Variants in ABLIM3 observed in about 807,000 individuals in gnomAD.
ABLIM3 encodes the protein actin-binding LIM protein 3.
In ABLIM3, 61 loss-of-function variants were observed where a neutral mutation model predicts 109.5. The ratio of observed to expected loss-of-function variants is 0.56; its 90% confidence interval spans 0.45 to 0.69. The LOEUF (loss-of-function observed/expected upper bound fraction) is 0.69, where lower values mean the gene tolerates loss of function less well. Ranked by LOEUF, ABLIM3 falls within the 30% of genes least tolerant of loss-of-function variation. The probability of loss-of-function intolerance (pLI) is 0.00; values close to 1 mark genes in which losing one functional copy is unlikely to be tolerated. For missense variants in ABLIM3, 796 were observed against 889.5 expected (o/e 0.89, Z 1.34); for synonymous variants, 300 against 324.8 (o/e 0.92, Z 0.82).
Position 149,239,867 on chromosome 5 carries a change from C to T in ABLIM3, c.1183C>T (p.Pro395Ser). The T allele has an allele frequency of 6.2e-7, 1 of 1,609,820 alleles. No homozygotes were observed. ...QGMSPTFSRS[P>S]HHYYRSGPES... ...CATGTCCCCCACCTTCTCCCGCTCA[C>T]CTCACCACTACTACCGCTCTGGTAA... The change falls in exon 13 of 24, where the codon CCT becomes TCT. Residue 395 changes from proline (P) to serine (S), a missense_variant. Coordinates refer to ENST00000309868, the MANE Select transcript of ABLIM3 (RefSeq NM_014945.5).
intron 2 of ABLIM3, among the ~76,000 whole-genome samples, chr5:149,173,520 G>T (rs568680774): frequency 6.6e-6 from 1 of 152,292 alleles, no homozygotes; most frequent in South Asian, 2.1e-4. Flanking sequence ...GTCAAGATGG[G>T]AAAGTGGATG....
At position 149,252,226 on chromosome 5, in the gene ABLIM3, A is replaced by G; in HGVS notation, c.1857+18A>G. 1 of 1,612,246 alleles carries G rather than the reference A, an allele frequency of 6.2e-7. No individual in the cohort carries two copies. The highest frequency in any genetic ancestry group is 8.5e-7 in the Non-Finnish European group (1 of 1,179,234). On this transcript the variant is annotated intron_variant, in intron 22 of 23. Coordinates refer to ENST00000309868, the MANE Select transcript of ABLIM3 (RefSeq NM_014945.5). ...AGTACAAGGTAAAGGATGTGCATAG[A>G]CCCTGGGGGTCTCCAGGATTCTTGG...
chr5:149,237,420 C>G (rs771005337), intron 10 of ABLIM3, 28 bp from the exon 11 acceptor site: 1 of 1,608,180 alleles, frequency 6.2e-7, no homozygotes, highest in East Asian at 2.2e-5. Context: ...CTTTCTATTC[C>G]TTTCCTGTCC....
At chr5:149,251,087 G>A (rs1346228803) in intron 20 of ABLIM3, among the ~76,000 whole-genome samples, 1 of 152,196 alleles carries the variant, frequency 6.6e-6, no homozygotes, top group Non-Finnish European at 1.5e-5. Flanking sequence ...GGTTGTCAGG[G>A]CAAATCTCCT....
At chr5:149,213,921 G>T (rs1361993983) in intron 7 of ABLIM3, among the ~76,000 whole-genome samples, 1 of 151,972 alleles carries the variant, frequency 6.6e-6, no homozygotes, top group African/African-American at 2.4e-5. Context: ...GTTTTTCCAA[G>T]GTCACAAGCA....
intron 2 of ABLIM3, among the ~76,000 whole-genome samples, chr5:149,148,766 G>A (rs1036651032): frequency 6.6e-6 from 1 of 152,132 alleles, no homozygotes; most frequent in East Asian, 1.9e-4. Context: ...CAGTGTCCTT[G>A]TCACATGTGC....
Position 149,217,116 on chromosome 5 carries a change from G to T in ABLIM3, c.757+70G>T, listed in dbSNP as rs1005417889. The T allele has an allele frequency of 8.1e-5, 115 of 1,417,426 alleles. 1 individual carries two copies. Among genetic ancestry groups the T allele is most frequent in the Non-Finnish European group, 1.1e-4 (110 of 1,016,566 alleles). The allele number at this position is 1,417,426 out of a possible 1,614,324, so 87.8% of individuals were successfully genotyped here. A position where few individuals can be genotyped will look rare whatever the true frequency, so the allele number is the denominator to read the frequency against. ...ACTGGAAAGGAGATGCGATCTTCAGGTTCAGTGTTATCTTGGCTTCAGGTT... is the reference window on the plus strand; with the variant it reads ...ACTGGAAAGGAGATGCGATCTTCAGTTTCAGTGTTATCTTGGCTTCAGGTT... On this transcript the variant is annotated intron_variant, in intron 8 of 23. Coordinates refer to ENST00000309868, the MANE Select transcript of ABLIM3 (RefSeq NM_014945.5).
At chr5:149,239,156 C>T (rs565144568) in intron 11 of ABLIM3, 92 bp from the exon 12 acceptor site, 721 of 1,291,316 alleles carry the variant, frequency 5.6e-4, no homozygotes, top group Non-Finnish European at 7.2e-4. Context: ...CCCTCTCTGC[C>T]GAGCCATCTA....
chr5:149,222,908 A>G (rs1397396819), intron 8 of ABLIM3, among the ~76,000 whole-genome samples: 1 of 152,098 alleles, frequency 6.6e-6, no homozygotes, highest in African/African-American at 2.4e-5. Context: ...GTAGTTTAGC[A>G]TTATTACTTT....
At position 149,198,854 on chromosome 5, in the gene ABLIM3, C is replaced by T. The variant is rs1391776330; in HGVS notation, c.335+452C>T. 6.6e-6 allele frequency among the ~76,000 whole-genome samples: 1 copy of T among 152,176 alleles called. No individual in the cohort carries two copies. On this transcript the variant is annotated intron_variant, in intron 4 of 23. Coordinates refer to ENST00000309868, the MANE Select transcript of ABLIM3 (RefSeq NM_014945.5). This position sits in a 1 kb window ranked among gnomAD's most constrained non-coding sequence, Gnocchi z 4.2. ...CTGTTGGAGTGACCCTGGCAAGTGA[C>T]CCCCACCTCTGTAAGCCTCAGTTTC...
rs114548064 is a variant in ABLIM3 at position 149,239,272 on chromosome 5, T to A, written c.1069T>A (p.Ser357Thr). Residue 357 changes from serine to threonine, a missense_variant, in exon 12 of 24, where the codon TCC becomes ACC. Coordinates refer to ENST00000309868, the MANE Select transcript of ABLIM3 (RefSeq NM_014945.5). ...GTCGCTGGGAACATTATCTCCCTAC[T>A]CCCAGGTAATTCAGCTGATAGAGAA... ...GESLGTLSPY[S>T]QDIYENLDLR... 0.011 allele frequency: 18,352 copies of A among 1,613,940 alleles called. 131 individuals carry two copies. The highest frequency in any genetic ancestry group is 0.013 in the Non-Finnish European group (14,999 of 1,179,830).
At chr5:149,252,262 C>T (rs375885140) in intron 22 of ABLIM3, 54 bp downstream of exon 22, 1 of 1,597,186 alleles carries the variant, frequency 6.3e-7, no homozygotes, top group East Asian at 2.2e-5. Flanking sequence ...AGCCGCTACA[C>T]TGGGGATCAC....
chr5:149,164,489 C>G (rs767639027), intron 2 of ABLIM3, among the ~76,000 whole-genome samples: 183 of 152,264 alleles, frequency 1.2e-3, no homozygotes, highest in Non-Finnish European at 2.2e-3. Context: ...AAAATATAGT[C>G]TCCAGACCCA....
chr5:149,173,265 G>A (rs1014738547), intron 2 of ABLIM3, among the ~76,000 whole-genome samples: 6 of 152,336 alleles, frequency 3.9e-5, no homozygotes, highest in African/African-American at 9.6e-5. Flanking sequence ...GGGTAGTCCC[G>A]TAGGACTTTG....
At position 149,170,228 on chromosome 5, in the gene ABLIM3, T is replaced by TTCTCTCTCTCTCTCTCTCTCTCTC. The variant is rs10644957; in HGVS notation, c.14-13211_14-13188dup. 2.6e-4 allele frequency among the ~76,000 whole-genome samples: 32 copies of TTCTCTCTCTCTCTCTCTCTCTCTC among 124,658 alleles called. 2 individuals are homozygous for TTCTCTCTCTCTCTCTCTCTCTCTC. Among genetic ancestry groups the TTCTCTCTCTCTCTCTCTCTCTCTC allele is most frequent in the African/African-American group, 9.1e-4 (29 of 31,958 alleles). 81.8% of individuals were successfully genotyped at this position (124,658 alleles called of 152,430 possible). Reference sequence around the variant, plus strand: ...ATGATGCATTCATTCAGGGTTCTGTTTCTCTCTCTCTCTCTCTCTCTCTCT... The same window carrying TTCTCTCTCTCTCTCTCTCTCTCTC: ...ATGATGCATTCATTCAGGGTTCTGTTTCTCTCTCTCTCTCTCTCTCTCTCTCTCTCTCTCTCTCTCTCTCTCTCT... On this transcript the variant is annotated intron_variant, in intron 2 of 23. Transcript: ENST00000309868.
chr5:149,199,600 C>T (rs912611375), intron 4 of ABLIM3, among the ~76,000 whole-genome samples: 10 of 152,212 alleles, frequency 6.6e-5, no homozygotes, highest in Non-Finnish European at 1.2e-4. Flanking sequence ...ATAGCTCCCC[C>T]GACTCTCACC....
intron 7 of ABLIM3, among the ~76,000 whole-genome samples, chr5:149,215,476 T>C (rs1479084663): frequency 6.8e-6 from 1 of 147,908 alleles, no homozygotes; most frequent in Non-Finnish European, 1.5e-5. Context: ...AGATAATATC[T>C]CCAGAATAGG....
At chr5:149,222,253 C>T (rs10065552) in intron 8 of ABLIM3, among the ~76,000 whole-genome samples, 9,582 of 152,056 alleles carry the variant, frequency 0.063, 932 homozygotes, top group African/African-American at 0.21. Context: ...TTTATCCTCA[C>T]GACAACCCTG....
rs770251856 is a variant in ABLIM3, at chr5:149,233,253, A to T, written c.841A>T (p.Ile281Phe). The T allele has an allele frequency of 6.2e-7, 1 of 1,614,150 alleles. No individual in the cohort carries two copies. Among genetic ancestry groups the T allele is most frequent in the East Asian group, 2.2e-5 (1 of 44,884 alleles). ...LKHRRTSETS[I>F]SPPGSSIGSP... is the part of the protein sequence containing the mutation. ...GCATAGACGGACATCTGAAACCTCCATCTCACCCCCTGGATCCAGCATTGG... is the reference window on the plus strand; with the variant it reads ...GCATAGACGGACATCTGAAACCTCCTTCTCACCCCCTGGATCCAGCATTGG... The change falls in exon 10 of 24, where the codon ATC becomes TTC. Residue 281 changes from isoleucine to phenylalanine, a missense_variant. Coordinates refer to ENST00000309868, the MANE Select transcript of ABLIM3 (RefSeq NM_014945.5).
Sources: gnomAD v4.1 joint callset for allele counts (sites outside exome capture counted in the v4.1 genomes callset) on GRCh38, gnomAD v4.1.1 for gene constraint, Gnocchi (gnomAD v3.1) non-coding constraint, MANE v1.5 for transcripts, NCBI Gene and HGNC (gene_info 2026-07-23, HGNC 2026-07-21) for gene names.